AK7: variants seen among roughly 807,000 people sequenced by gnomAD.
AK7 encodes adenylate kinase 7, also known as ATP-AMP transphosphorylase 7.
A neutral mutation model predicts 96.6 loss-of-function variants in AK7; 78 were observed. That is an observed-to-expected ratio of 0.81 (90% CI 0.67 to 0.97). The LOEUF is 0.97. Among genes scored for constraint, AK7 ranks in the 50% least tolerant of loss-of-function variants. AK7 has a pLI of 0.00. For missense variants in AK7, 855 were observed against 887.9 expected, an observed-to-expected ratio of 0.96 and a Z score of 0.47; for synonymous variants, 302 against 317.2, an observed-to-expected ratio of 0.95 and a Z score of 0.51.
chr14:96,397,290 C>A (rs559022767), intron 1 of AK7, among the ~76,000 whole-genome samples: 33 of 151,690 alleles, frequency 2.2e-4, no homozygotes, highest in Non-Finnish European at 4.0e-4. Flanking sequence ...GCTCTGTTGC[C>A]AAGGCTGGAG....
chr14:96,408,767 C>A (rs763556313), intron 3 of AK7, 80 bp from the exon 4 acceptor site: 1 of 1,312,214 alleles, frequency 7.6e-7, no homozygotes, highest in Non-Finnish European at 1.1e-6. Context: ...GTGGCTCCTA[C>A]TGGTGACTAA....
rs201962864 is a variant in AK7, at chr14:96,486,947, C to T, written c.2024C>T (p.Ala675Val). 59 of 1,613,912 alleles carry T rather than the reference C, an allele frequency of 3.7e-5. No individual in the cohort carries two copies. The highest frequency in any genetic ancestry group is 5.0e-5 in the Non-Finnish European group (59 of 1,179,928). The stretch of plus-strand genomic sequence containing the variant: ...AGAGAAGAAAGAGAATTACTGGAGG[C>T]TCAGTCAATTCCCCTGAGAAACTAT... ...VKREERELLEAQSIPLRNYLM... is the reference protein window; with the variant it reads ...VKREERELLEVQSIPLRNYLM... The change falls in exon 17 of 18, where the codon GCT (alanine) becomes GTT (valine). Residue 675 changes from alanine (A) to valine (V), a missense_variant. Coordinates refer to ENST00000267584, the MANE Select transcript of AK7 (RefSeq NM_152327.5).
chr14:96,448,557 G>A (rs1445504842), intron 8 of AK7, among the ~76,000 whole-genome samples: 1 of 143,356 alleles, frequency 7.0e-6, no homozygotes, highest in African/African-American at 2.6e-5. Context: ...TTGAACCCAG[G>A]AATTCAAGGC....
chr14:96,445,206 A>G (rs971236895), intron 7 of AK7, among the ~76,000 whole-genome samples: 2 of 152,276 alleles, frequency 1.3e-5, no homozygotes, highest in Non-Finnish European at 2.9e-5. Context: ...GCCTGATTCT[A>G]GAATCACAAA....
At chr14:96,471,734 C>A in intron 13 of AK7, 128 bp downstream of exon 13, 1 of 820,622 alleles carries the variant, frequency 1.2e-6, no homozygotes, top group Non-Finnish European at 1.7e-6. Context: ...AGCTTTGGCT[C>A]ACCTTTCTTT....
intron 10 of AK7, among the ~76,000 whole-genome samples, chr14:96,452,484 T>C (rs10132967): frequency 0.87 from 131,589 of 151,830 alleles, 57,361 homozygotes; most frequent in African/African-American, 0.96. Flanking sequence ...CACCATCACA[T>C]CTGGTTAATT....
At chr14:96,479,328 C>T (rs1333897261) in intron 15 of AK7, among the ~76,000 whole-genome samples, 3 of 151,768 alleles carry the variant, frequency 2.0e-5, no homozygotes, top group African/African-American at 7.3e-5. Flanking sequence ...CTGCCCGCCT[C>T]GGCCTCCCAA....
Position 96,420,872 on chromosome 14 carries a change from T to A in AK7, c.549T>A (p.Ser183=), listed in dbSNP as rs1258237915. ...FTEEDYRRRK[S]HPNFLDHINA... Reference sequence around the variant, plus strand: ...AAGAAGATTATCGAAGAAGAAAGTCTCATCCTAATTTTCTGGACCACATAA... The same window carrying A: ...AAGAAGATTATCGAAGAAGAAAGTCACATCCTAATTTTCTGGACCACATAA... The change falls in exon 5 of 18, where the codon TCT becomes TCA. Residue 183 remains serine (S), a synonymous_variant. Transcript: ENST00000267584. 6.2e-7 allele frequency: 1 copy of A among 1,613,940 alleles called. No homozygotes were observed. The highest frequency in any genetic ancestry group is 8.5e-7 in the Non-Finnish European group (1 of 1,179,846).
At chr14:96,429,233 T>G (rs900766851) in intron 5 of AK7, among the ~76,000 whole-genome samples, 1 of 152,202 alleles carries the variant, frequency 6.6e-6, no homozygotes, top group African/African-American at 2.4e-5. Context: ...TTTCCCCTTT[T>G]CTTGTTTTTC....
intron 5 of AK7, chr14:96,423,758 G>A (rs1043010367): frequency 4.1e-6 from 3 of 727,856 alleles, no homozygotes; most frequent in South Asian, 1.3e-5. Flanking sequence ...CTGGTAACAC[G>A]TGCCGGCCAC....
chr14:96,413,136 G>T (rs1415792165), intron 4 of AK7, among the ~76,000 whole-genome samples: 2 of 152,142 alleles, frequency 1.3e-5, no homozygotes, highest in Non-Finnish European at 2.9e-5. Context: ...ACTGGGATAG[G>T]CTGGAACCTA....
At chr14:96,419,610 G>A (rs543112429) in intron 4 of AK7, among the ~76,000 whole-genome samples, 49 of 151,956 alleles carry the variant, frequency 3.2e-4, no homozygotes, top group Non-Finnish European at 5.9e-4. Context: ...CTCCAGCCTG[G>A]GCAAGAGAGC....
chr14:96,473,636 C>T (rs905774099), intron 14 of AK7, among the ~76,000 whole-genome samples: 3 of 151,852 alleles, frequency 2.0e-5, no homozygotes, highest in Non-Finnish European at 4.4e-5. Context: ...AACTTGCAAA[C>T]TAGAGAATGC....
intron 2 of AK7, among the ~76,000 whole-genome samples, chr14:96,404,150 T>TAAAAAAAAAAA (rs34091316): frequency 1.0e-5 from 1 of 99,772 alleles, no homozygotes; most frequent in African/African-American, 3.7e-5. Context: ...TGTCTCAAAT[T>TAAAAAAAAAAA]AAAAAAAAAA....
chr14:96,396,101 T>C (rs1166478259), intron 1 of AK7, among the ~76,000 whole-genome samples: 5 of 152,178 alleles, frequency 3.3e-5, no homozygotes, highest in Middle Eastern at 3.2e-3. Context: ...TAACAATATT[T>C]TTGTAATGAA....
At chr14:96,392,337 G>A (rs1889799717) in intron 1 of AK7, 78 bp downstream of exon 1, 3 of 1,325,872 alleles carry the variant, frequency 2.3e-6, no homozygotes, top group East Asian at 4.7e-5. Context: ...CAAACCCAGC[G>A]AGGGTCTGCG....
At chr14:96,481,877 G>A (rs1389982178) in intron 15 of AK7, among the ~76,000 whole-genome samples, 3 of 151,772 alleles carry the variant, frequency 2.0e-5, no homozygotes, top group Non-Finnish European at 4.4e-5. Context: ...GCTAATTTTT[G>A]TATTTTTAGT....
intron 2 of AK7, among the ~76,000 whole-genome samples, chr14:96,400,260 G>A (rs1174326086): frequency 2.0e-5 from 3 of 151,940 alleles, no homozygotes; most frequent in Admixed American, 6.6e-5. Context: ...GGCTGGTCTT[G>A]AACTTCTGGT....
intron 2 of AK7, 70 bp downstream of exon 2, chr14:96,398,333 A>G (rs747141805): frequency 1.3e-6 from 2 of 1,533,246 alleles, no homozygotes; most frequent in Non-Finnish European, 1.8e-6. Context: ...CGCCTTGACA[A>G]CTTGTTTTAC....
Sources: allele counts gnomAD v4.1 joint callset (sites outside exome capture counted in the v4.1 genomes callset), GRCh38; gene constraint gnomAD v4.1.1; transcripts MANE v1.5; gene names NCBI Gene and HGNC (gene_info 2026-07-23, HGNC 2026-07-21).